Variants in ANK3 observed in about 807,000 individuals in gnomAD.
ANK3 encodes ankyrin-3.
In ANK3, 57 loss-of-function variants were observed where a neutral mutation model predicts 370.9. That is an observed-to-expected ratio of 0.15 (90% CI 0.12 to 0.19). ANK3 has a LOEUF of 0.19. Among genes scored for constraint, ANK3 ranks in the 10% least tolerant of loss-of-function variants. ANK3 has a pLI of 1.00. For missense variants in ANK3, 4,439 were observed against 5,302.1 expected, an observed-to-expected ratio of 0.84 and a Z score of 5.06; for synonymous variants, 1,929 against 1,946.3, an observed-to-expected ratio of 0.99 and a Z score of 0.23.
intron 2 of ANK3, among the ~76,000 whole-genome samples, chr10:60,546,311 T>C (rs1387677860): frequency 2.0e-5 from 3 of 152,194 alleles, no homozygotes; most frequent in East Asian, 1.9e-4. Context: ...GCTGAAATTA[T>C]AGGCGTGAGC....
At position 60,078,172 on chromosome 10, in the gene ANK3, C is replaced by T. The variant is rs147887056; in HGVS notation, c.4433-1724G>A. Among the ~76,000 whole-genome samples the T allele has an allele frequency of 1.8e-3, 280 of 152,290 alleles. 1 individual carries two copies. The highest frequency in any genetic ancestry group is 3.2e-3 in the Non-Finnish European group (216 of 68,028). On this transcript the variant is annotated intron_variant, in intron 36 of 43. Transcript: ENST00000280772. The stretch of plus-strand genomic sequence containing the variant: ...TTTATGTTCTTCTTCATGCTGTGCC[C>T]GTGCCATTGCTACAGTCCAGTCTTT...
chr10:60,333,819 A>G (rs2052080396), intron 1 of ANK3, among the ~76,000 whole-genome samples: 2 of 152,250 alleles, frequency 1.3e-5, no homozygotes, highest in Admixed American at 6.5e-5. Context: ...TTGTTTCCTG[A>G]CTTTTTAATG....
At chr10:60,429,612 A>C (rs2063968994) in intron 2 of ANK3, among the ~76,000 whole-genome samples, 1 of 152,208 alleles carries the variant, frequency 6.6e-6, no homozygotes, top group African/African-American at 2.4e-5. Context: ...GTTCAGCAGA[A>C]GGCTTTTGGC....
At chr10:60,050,632 A>C (rs2077760684) in intron 42 of ANK3, 1 of 152,188 alleles carries the variant, frequency 6.6e-6, no homozygotes, top group Admixed American at 6.5e-5. Flanking sequence ...AGTTCTCTGA[A>C]CTCAATTATT....
intron 1 of ANK3, among the ~76,000 whole-genome samples, chr10:60,720,200 A>G (rs1257047847): frequency 1.3e-5 from 2 of 152,226 alleles, no homozygotes; most frequent in Non-Finnish European, 2.9e-5. Flanking sequence ...TTACACACAC[A>G]TAGTAAAACT....
intron 2 of ANK3, among the ~76,000 whole-genome samples, chr10:60,539,599 C>A (rs551868178): frequency 1.3e-5 from 2 of 151,976 alleles, no homozygotes; most frequent in East Asian, 3.9e-4. Flanking sequence ...TGAAGGTAGG[C>A]GTGCCCTGTT....
At chr10:60,547,510 C>T (rs2076993601) in intron 2 of ANK3, among the ~76,000 whole-genome samples, 1 of 152,042 alleles carries the variant, frequency 6.6e-6, no homozygotes, top group Non-Finnish European at 1.5e-5. Flanking sequence ...ATTCTCCTGC[C>T]CCAGCCTCCC....
At chr10:60,383,691 T>C (rs559213956) in intron 1 of ANK3, among the ~76,000 whole-genome samples, 1 of 151,900 alleles carries the variant, frequency 6.6e-6, no homozygotes, top group African/African-American at 2.4e-5. Flanking sequence ...AGACCTGGAG[T>C]CCATATACTC....
At position 60,074,038 on chromosome 10, in the gene ANK3, C is replaced by A. The variant is rs1398310479; in HGVS notation, c.6843G>T (p.Gln2281His). ...MSVHDIMKAFQSGRDPSKELA... is the reference protein window; with the variant it reads ...MSVHDIMKAFHSGRDPSKELA... Reference sequence around the variant, plus strand: ...GTTCTTTGGAAGGATCCCGCCCGGACTGAAAGGCCTTCATGATGTCATGGA... The same window carrying A: ...GTTCTTTGGAAGGATCCCGCCCGGAATGAAAGGCCTTCATGATGTCATGGA... The change falls in exon 37 of 44, where the codon CAG becomes CAT. Residue 2281 changes from glutamine (Q) to histidine (H), a missense_variant. Transcript: ENST00000280772. The A allele has an allele frequency of 1.2e-6, 2 of 1,614,008 alleles. No individual in the cohort carries two copies. Among genetic ancestry groups the A allele is most frequent in the Non-Finnish European group, 1.7e-6 (2 of 1,180,010 alleles).
intron 1 of ANK3, among the ~76,000 whole-genome samples, chr10:60,694,489 GCC>G (rs1234371427): frequency 2.6e-5 from 4 of 152,122 alleles, no homozygotes; most frequent in Admixed American, 1.3e-4. Context: ...GTTAAGGGCA[GCC>G]AGAGAGAAAG....
intron 43 of ANK3, among the ~76,000 whole-genome samples, chr10:60,037,028 T>G (rs1453158888): frequency 1.1e-4 from 17 of 152,214 alleles, no homozygotes; most frequent in Non-Finnish European, 1.5e-5. Context: ...CACTTCTGCT[T>G]CTTTCTCTAT....
At chr10:60,290,079 T>C (rs2040981421) in intron 1 of ANK3, among the ~76,000 whole-genome samples, 1 of 152,190 alleles carries the variant, frequency 6.6e-6, no homozygotes, top group Admixed American at 6.5e-5. Flanking sequence ...TATTGTGCAC[T>C]GATATTTTTA....
intron 2 of ANK3, among the ~76,000 whole-genome samples, chr10:60,589,212 GT>G (rs1261605140): frequency 1.1e-4 from 17 of 152,228 alleles, no homozygotes; most frequent in African/African-American, 3.9e-4. Flanking sequence ...TGGGGATAGA[GT>G]TACAAATGAA....
chr10:60,619,188 G>A (rs2078303211), intron 1 of ANK3, among the ~76,000 whole-genome samples: 1 of 151,664 alleles, frequency 6.6e-6, no homozygotes, highest in African/African-American at 2.4e-5. Flanking sequence ...CCTTCCCCAT[G>A]CCCAGGCCCA....
chr10:60,121,519 C>T (rs2093470938), intron 25 of ANK3, among the ~76,000 whole-genome samples: 1 of 151,538 alleles, frequency 6.6e-6, no homozygotes, highest in Non-Finnish European at 1.5e-5. Flanking sequence ...TGGCAAAATT[C>T]CATCTCTATA....
intron 1 of ANK3, among the ~76,000 whole-genome samples, chr10:60,711,095 A>G (rs983576372): frequency 1.3e-5 from 2 of 152,212 alleles, no homozygotes; most frequent in African/African-American, 4.8e-5. Flanking sequence ...GGCCCAGTCA[A>G]GGGGACACAT....
intron 2 of ANK3, among the ~76,000 whole-genome samples, chr10:60,395,594 TTCTTTCTTTCTTTCTC>T (rs1567004475): frequency 1.7e-5 from 2 of 116,074 alleles, no homozygotes; most frequent in Non-Finnish European, 1.7e-5. Flanking sequence ...CTTTCTTTCT[TTCTTTCTTTCTTTCTC>T]TCTTTCGTTC....
intron 16 of ANK3, among the ~76,000 whole-genome samples, chr10:60,187,169 T>TTTTATTTTAA (rs2096362560): frequency 1.3e-5 from 2 of 151,676 alleles, no homozygotes; most frequent in Non-Finnish European, 2.9e-5. Flanking sequence ...TTTTATTTTA[T>TTTTATTTTAA]TTTTTGAGAC....
At chr10:60,390,083 T>C (rs1042174103), upstream of ANK3, among the ~76,000 whole-genome samples, 6 of 152,224 alleles carry the variant, frequency 3.9e-5, no homozygotes, top group Non-Finnish European at 5.9e-5. Flanking sequence ...GAGCTGTTCC[T>C]ACTTTAGTTC....
Sources: gnomAD v4.1 joint callset for allele counts (sites outside exome capture counted in the v4.1 genomes callset) on GRCh38, gnomAD v4.1.1 for gene constraint, MANE v1.5 for transcripts, NCBI Gene and HGNC (gene_info 2026-07-23, HGNC 2026-07-21) for gene names.